PCSK2: variants seen among roughly 807,000 people sequenced by gnomAD.
PCSK2 encodes neuroendocrine convertase 2.
A neutral mutation model predicts 69.7 loss-of-function variants in PCSK2; 14 were observed. The ratio of observed to expected loss-of-function variants is 0.20; its 90% confidence interval spans 0.13 to 0.31. PCSK2 has a LOEUF of 0.31. Ranked by LOEUF, PCSK2 falls within the 10% of genes least tolerant of loss-of-function variation. The pLI, the probability that PCSK2 is intolerant of heterozygous loss-of-function variation, is 1.00. For missense variants in PCSK2, 544 were observed against 842.5 expected (o/e 0.65, Z 4.39); for synonymous variants, 307 against 320.7 (o/e 0.96, Z 0.46).
chr20:17,268,508 G>T (rs1341330588), intron 2 of PCSK2, among the ~76,000 whole-genome samples: 1 of 152,066 alleles, frequency 6.6e-6, no homozygotes. Flanking sequence ...TGGAGAAAGG[G>T]CACTCCAGAC....
intron 2 of PCSK2, among the ~76,000 whole-genome samples, chr20:17,347,872 AAAAGAAAGAAAGAAAGAAAG>A (rs201865268): frequency 0.14 from 12,034 of 88,582 alleles, 1,529 homozygotes; most frequent in Middle Eastern, 0.23. Flanking sequence ...GGAGAGAGAA[AAAAGAAAGAAAGAAAGAAAG>A]AAAGAAAGAA....
At chr20:17,472,801 A>G (rs529023251) in intron 11 of PCSK2, among the ~76,000 whole-genome samples, 3 of 152,220 alleles carry the variant, frequency 2.0e-5, no homozygotes, top group South Asian at 4.1e-4. Flanking sequence ...TCCTGACCTC[A>G]GGTGATCCGC....
chr20:17,308,354 G>A (rs1483687605), intron 2 of PCSK2, among the ~76,000 whole-genome samples: 2 of 152,144 alleles, frequency 1.3e-5, no homozygotes, highest in African/African-American at 4.8e-5. Context: ...AGATAAATAG[G>A]TAGTACAATT....
intron 2 of PCSK2, 121 bp downstream of exon 2, chr20:17,260,465 C>T (rs1271766896): frequency 1.5e-6 from 1 of 675,516 alleles, no homozygotes; most frequent in African/African-American, 1.8e-5. Flanking sequence ...TATGATAGGG[C>T]AAATGAATGC....
chr20:17,455,913 G>A (rs916863763), intron 9 of PCSK2, among the ~76,000 whole-genome samples: 7 of 152,216 alleles, frequency 4.6e-5, no homozygotes, highest in Admixed American at 2.0e-4. Context: ...TTTATCCTTA[G>A]TTTCATCTTA....
chr20:17,407,833 A>T (rs73095617), intron 5 of PCSK2, among the ~76,000 whole-genome samples: 8,629 of 152,238 alleles, frequency 0.057, 284 homozygotes, highest in East Asian at 0.18. Flanking sequence ...CCTGGAATAA[A>T]GGATCAACAT....
intron 5 of PCSK2, among the ~76,000 whole-genome samples, chr20:17,374,689 A>G (rs2030871075): frequency 6.6e-6 from 1 of 152,132 alleles, no homozygotes; most frequent in Non-Finnish European, 1.5e-5. Flanking sequence ...CCCTAGGGCA[A>G]TGGGAGCTCA....
At chr20:17,359,377 G>A (rs754019551) in intron 3 of PCSK2, among the ~76,000 whole-genome samples, 4 of 152,090 alleles carry the variant, frequency 2.6e-5, no homozygotes, top group Non-Finnish European at 5.9e-5. Flanking sequence ...AACAACCCTC[G>A]GATCACAGTA....
chr20:17,246,668 C>T (rs1214714692), intron 1 of PCSK2, among the ~76,000 whole-genome samples: 1 of 151,750 alleles, frequency 6.6e-6, no homozygotes, highest in Non-Finnish European at 1.5e-5. Context: ...CAACGCATTC[C>T]ATGGGGGACG....
intron 2 of PCSK2, among the ~76,000 whole-genome samples, chr20:17,333,513 A>G (rs1990257104): frequency 6.6e-6 from 1 of 152,102 alleles, no homozygotes; most frequent in Non-Finnish European, 1.5e-5. Flanking sequence ...CCAGGCATGG[A>G]GCAGCACAGG....
At chr20:17,357,338 C>T (rs1333731731) in intron 2 of PCSK2, among the ~76,000 whole-genome samples, 1 of 152,230 alleles carries the variant, frequency 6.6e-6, no homozygotes, top group Non-Finnish European at 1.5e-5. Context: ...CCTTCTAGGA[C>T]TTTGCTATGG....
intron 8 of PCSK2, among the ~76,000 whole-genome samples, chr20:17,441,709 A>C (rs2032600633): frequency 6.6e-6 from 1 of 152,042 alleles, no homozygotes. Flanking sequence ...CTTATTCACT[A>C]TCAAGAGAAC....
intron 1 of PCSK2, among the ~76,000 whole-genome samples, chr20:17,238,730 GT>G (rs957748829): frequency 6.6e-6 from 1 of 151,890 alleles, no homozygotes; most frequent in African/African-American, 2.4e-5. Flanking sequence ...TTTTTGGTTT[GT>G]TTTTTTACCA....
At chr20:17,436,187 T>C (rs775199691) in intron 7 of PCSK2, among the ~76,000 whole-genome samples, 1 of 152,144 alleles carries the variant, frequency 6.6e-6, no homozygotes, top group Non-Finnish European at 1.5e-5. Context: ...TCAGCTACAG[T>C]GCAAATGGGA....
At chr20:17,432,078 T>C (rs942229797) in intron 7 of PCSK2, among the ~76,000 whole-genome samples, 1 of 152,200 alleles carries the variant, frequency 6.6e-6, no homozygotes, top group Non-Finnish European at 1.5e-5. Flanking sequence ...AGTTAAAATG[T>C]GGTTGAATCT....
chr20:17,372,221 T>C (rs919214624), intron 5 of PCSK2, among the ~76,000 whole-genome samples: 2 of 151,878 alleles, frequency 1.3e-5, no homozygotes, highest in Non-Finnish European at 2.9e-5. Context: ...CTACTAAAAA[T>C]ACAAGAAATT....
chr20:17,414,553 A>C (rs1281754261), intron 6 of PCSK2, among the ~76,000 whole-genome samples: 1 of 152,200 alleles, frequency 6.6e-6, no homozygotes, highest in Non-Finnish European at 1.5e-5. Flanking sequence ...ATAGCCTACC[A>C]ACCAAAAAAA....
At chr20:17,292,635 C>T (rs1180636666) in intron 2 of PCSK2, among the ~76,000 whole-genome samples, 2 of 152,090 alleles carry the variant, frequency 1.3e-5, no homozygotes, top group Non-Finnish European at 2.9e-5. Flanking sequence ...GAAATTGATA[C>T]CTTTACAATG....
chr20:17,252,869 T>C (rs1279588865), intron 1 of PCSK2, among the ~76,000 whole-genome samples: 1 of 152,192 alleles, frequency 6.6e-6, no homozygotes, highest in Non-Finnish European at 1.5e-5. Context: ...TATGAAAAGA[T>C]GCTCAAACTT....
Sources: gnomAD v4.1 joint callset for allele counts (sites outside exome capture counted in the v4.1 genomes callset) on GRCh38, gnomAD v4.1.1 for gene constraint, MANE v1.5 for transcripts, NCBI Gene and HGNC (gene_info 2026-07-23, HGNC 2026-07-21) for gene names.